Variants in NUCB2 observed in about 807,000 individuals in gnomAD.
The protein encoded by NUCB2 is nucleobindin 2.
A neutral mutation model predicts 57.9 loss-of-function variants in NUCB2; 48 were observed. That is an observed-to-expected ratio of 0.83 (90% CI 0.66 to 1.05). NUCB2 has a LOEUF of 1.05. Ranked by LOEUF, NUCB2 falls within the 50% of genes least tolerant of loss-of-function variation. The pLI, the probability that NUCB2 is intolerant of heterozygous loss-of-function variation, is 0.00. For synonymous variants in NUCB2, 139 were observed against 152.1 expected (o/e 0.91, Z 0.64); for missense variants, 442 against 476.2 (o/e 0.93, Z 0.67).
chr11:17,301,778 G>GTCC lies in NUCB2; in HGVS notation c.289_290insCTC (p.Ser96_His97insPro). On this transcript the variant is annotated inframe_insertion, in exon 5 of 14. Transcript: ENST00000529010. ...CTAAGCAAAGAACTGGATTTAGTAA[G>GTCC]TCACCATGTGAGGACAAAACTTGAT... The GTCC allele has an allele frequency of 6.2e-7, 1 of 1,609,742 alleles. No homozygotes were observed. The highest frequency in any genetic ancestry group is 8.5e-7 in the Non-Finnish European group (1 of 1,176,026).
chr11:17,318,058 C>T (rs1031785773), intron 11 of NUCB2, among the ~76,000 whole-genome samples: 2 of 146,964 alleles, frequency 1.4e-5, no homozygotes, highest in Non-Finnish European at 3.0e-5. Context: ...AGTACACTGA[C>T]GTGATCTTGG....
intron 11 of NUCB2, among the ~76,000 whole-genome samples, chr11:17,324,068 T>G (rs1234756966): frequency 3.9e-5 from 6 of 152,216 alleles, no homozygotes; most frequent in African/African-American, 1.4e-4. Context: ...ATTTCTGCTC[T>G]GATCTTTATT....
At chr11:17,315,276 C>T in intron 10 of NUCB2, 110 bp from the exon 11 acceptor site, 2 of 519,262 alleles carry the variant, frequency 3.9e-6, no homozygotes, top group Non-Finnish European at 6.8e-6. Flanking sequence ...TTAAGTGAGT[C>T]CTAATTGCTG....
At chr11:17,281,996 G>T (rs181847759) in intron 1 of NUCB2, among the ~76,000 whole-genome samples, 83 of 151,540 alleles carry the variant, frequency 5.5e-4, no homozygotes, top group Non-Finnish European at 1.0e-3. Flanking sequence ...ACTGATCTCT[G>T]TGACAAACTA....
chr11:17,316,259 C>T (rs918558466), intron 11 of NUCB2, among the ~76,000 whole-genome samples: 3 of 152,136 alleles, frequency 2.0e-5, no homozygotes, highest in South Asian at 2.1e-4. Context: ...CATAAGCCAC[C>T]GCATCAGGCC....
At chr11:17,322,470 G>A (rs942796091) in intron 11 of NUCB2, among the ~76,000 whole-genome samples, 1 of 152,116 alleles carries the variant, frequency 6.6e-6, no homozygotes, top group African/African-American at 2.4e-5. Context: ...TTTTATGCCA[G>A]TACGATTGTG....
chr11:17,301,657 ATGTAT>A, intron 4 of NUCB2, 82 bp from the exon 5 acceptor site: 1 of 837,006 alleles, frequency 1.2e-6, no homozygotes, highest in Non-Finnish European at 2.0e-6. Flanking sequence ...TTTATCACTA[ATGTAT>A]TGTAACCCTG....
At chr11:17,317,528 T>C in intron 11 of NUCB2, 1 of 411,512 alleles carries the variant, frequency 2.4e-6, no homozygotes, top group Non-Finnish European at 4.9e-6. Context: ...TAATATCCTT[T>C]ATAACAAAAG....
chr11:17,347,479 G>A (rs1322933622), intron 2 of NUCB2, among the ~76,000 whole-genome samples: 1 of 152,156 alleles, frequency 6.6e-6, no homozygotes, highest in Non-Finnish European at 1.5e-5. Context: ...AAGCGTTTCA[G>A]AATTAAGCTG....
intron 5 of NUCB2, among the ~76,000 whole-genome samples, chr11:17,307,892 C>G (rs1308773859): frequency 6.6e-6 from 1 of 152,164 alleles, no homozygotes; most frequent in African/African-American, 2.4e-5. Flanking sequence ...GCAATAATTC[C>G]TCACAGGCTT....
In NUCB2 at chr11:17,347,294, T is replaced by C. The variant is rs73417260; in HGVS notation, n.2627-2051T>C. 2.6e-3 allele frequency among the ~76,000 whole-genome samples: 389 copies of C among 152,300 alleles called. 4 individuals are homozygous for C. Among genetic ancestry groups the C allele is most frequent in the African/African-American group, 8.9e-3 (370 of 41,558 alleles). On this transcript the variant is annotated intron_variant and non_coding_transcript_variant, in intron 2 of 2. Coordinates refer to the NUCB2 transcript ENST00000532240. ...AGGAGGCAAGTCAGATATGCATCTA[T>C]CTCCGTGAGCAGAGGAGTGACTGAA... is the stretch of plus-strand genomic sequence containing the variant.
Position 17,317,139 on chromosome 11 carries a change from A to G in NUCB2, c.1002+1664A>G, listed in dbSNP as rs143943487. On this transcript the variant is annotated intron_variant, in intron 11 of 13. Coordinates refer to ENST00000529010, the MANE Select transcript of NUCB2 (RefSeq NM_005013.4). ...ATTTTGACATAATTTCAGATTTACA[A>G]GAGTTGCAGGAATAGACAGGAAATC... Among the ~76,000 whole-genome samples, 838 of 152,336 alleles carry G rather than the reference A, an allele frequency of 5.5e-3. 4 individuals carry two copies. Among genetic ancestry groups the G allele is most frequent in the African/African-American group, 0.019 (781 of 41,578 alleles).
intron 1 of NUCB2, among the ~76,000 whole-genome samples, chr11:17,280,852 C>A (rs1014997337): frequency 1.3e-5 from 2 of 152,114 alleles, no homozygotes; most frequent in Non-Finnish European, 2.9e-5. Flanking sequence ...CCAGCCTGGG[C>A]AACATGGTGA....
At chr11:17,281,131 AT>A (rs1382848934) in intron 1 of NUCB2, among the ~76,000 whole-genome samples, 42 of 151,926 alleles carry the variant, frequency 2.8e-4, no homozygotes, top group African/African-American at 1.0e-3. Context: ...TTATTTATTT[AT>A]TTTATTTATT....
At chr11:17,293,664 A>T (rs1013914692) in intron 2 of NUCB2, among the ~76,000 whole-genome samples, 2 of 152,252 alleles carry the variant, frequency 1.3e-5, no homozygotes, top group Admixed American at 1.3e-4. Flanking sequence ...TCATGAATGG[A>T]TAAACAAATA....
Position 17,330,969 on chromosome 11 carries a change from TG to T in NUCB2, c.1242del (p.Lys415SerfsTer9). ...CCTCCATCAGGGCCAGCTGGAGAAT[TG>T]AAGTTTGAGCCACGTGTGTAATTTT... is the stretch of plus-strand genomic sequence containing the variant. ...GIPPSGPAGELKFEPHI is the reference protein window; with the variant it reads ...GIPPSGPAGEXKFEPHI On this transcript the variant is annotated frameshift_variant, in exon 13 of 14. Transcript: ENST00000529010. LOFTEE classifies it high-confidence loss of function. The surrounding 1 kb of genome is among the most constrained non-coding windows in gnomAD (Gnocchi z 4.3). The T allele has an allele frequency of 6.2e-7, 1 of 1,608,866 alleles. No homozygotes were observed. The highest frequency in any genetic ancestry group is 1.1e-5 in the South Asian group (1 of 90,282).
At chr11:17,310,627 C>A (rs145605488) in intron 6 of NUCB2, among the ~76,000 whole-genome samples, 198 bp from the exon 7 acceptor site, 1 of 149,782 alleles carries the variant, frequency 6.7e-6, no homozygotes, top group Non-Finnish European at 1.5e-5. Flanking sequence ...GCCTGGGTGA[C>A]GGGTGAAACT....
intron 11 of NUCB2, among the ~76,000 whole-genome samples, chr11:17,328,587 C>T (rs1950984920): frequency 6.6e-6 from 1 of 152,214 alleles, no homozygotes; most frequent in Non-Finnish European, 1.5e-5. Context: ...ATTACTACCA[C>T]CATCTCTGGT....
intron 11 of NUCB2, among the ~76,000 whole-genome samples, chr11:17,320,620 G>C (rs1483551461): frequency 2.6e-5 from 4 of 152,100 alleles, no homozygotes; most frequent in Admixed American, 2.6e-4. Context: ...TTGCACCCCA[G>C]CACTCCAGCC....
Sources: allele counts gnomAD v4.1 joint callset (sites outside exome capture counted in the v4.1 genomes callset), GRCh38; gene constraint gnomAD v4.1.1; non-coding constraint Gnocchi (gnomAD v3.1); transcripts MANE v1.5; gene names NCBI Gene and HGNC (gene_info 2026-07-23, HGNC 2026-07-21).